The following ATP8A2 variants were observed in gnomAD, a reference collection of about 807,000 sequenced individuals.
ATP8A2 encodes the protein phospholipid-transporting ATPase IB.
Under a neutral mutation model 165.6 loss-of-function variants are expected in ATP8A2, and 100 were observed. That is an observed-to-expected ratio of 0.60 (90% CI 0.51 to 0.71). The LOEUF (loss-of-function observed/expected upper bound fraction) is 0.71, where lower values mean the gene tolerates loss of function less well. Ranked by LOEUF, ATP8A2 falls within the 30% of genes least tolerant of loss-of-function variation. ATP8A2 has a pLI of 0.00. For synonymous variants in ATP8A2, 543 were observed against 548.8 expected (o/e 0.99, Z 0.15); for missense variants, 1,227 against 1,479.5 (o/e 0.83, Z 2.80).
At chr13:25,397,055 G>T (rs1418636857) in intron 1 of ATP8A2, among the ~76,000 whole-genome samples, 1 of 152,184 alleles carries the variant, frequency 6.6e-6, no homozygotes. Context: ...GGGGGTGGCT[G>T]TTTTCGCTGA....
At chr13:25,404,973 A>G (rs1025981321) in intron 1 of ATP8A2, among the ~76,000 whole-genome samples, 4 of 152,206 alleles carry the variant, frequency 2.6e-5, no homozygotes, top group Non-Finnish European at 5.9e-5. Context: ...TAGAAATGCC[A>G]CTGAGAAGTG....
chr13:25,878,967 A>G (rs1469683150), intron 33 of ATP8A2, among the ~76,000 whole-genome samples: 7 of 152,146 alleles, frequency 4.6e-5, no homozygotes, highest in Admixed American at 4.6e-4. Context: ...CCCAGCATTT[A>G]TAGCATTCTA....
chr13:25,680,474 C>T (rs181638573), intron 24 of ATP8A2, among the ~76,000 whole-genome samples: 6 of 152,258 alleles, frequency 3.9e-5, no homozygotes, highest in African/African-American at 1.4e-4. Context: ...TGAGAGAGTA[C>T]TTTTCTGTTG....
intron 2 of ATP8A2, among the ~76,000 whole-genome samples, chr13:25,496,237 G>A (rs969861045): frequency 1.3e-5 from 2 of 152,006 alleles, no homozygotes; most frequent in African/African-American, 4.8e-5. Flanking sequence ...AGACTGAGTG[G>A]GAGAAAAAGG....
rs1450852336 is a variant in ATP8A2 at position 25,372,384 on chromosome 13, C to T, written c.76+96C>T. The T allele has an allele frequency of 1.5e-5, 14 of 915,112 alleles. No homozygotes were observed. Among genetic ancestry groups the T allele is most frequent in the Non-Finnish European group, 2.1e-5 (14 of 680,996 alleles). 56.7% of individuals were successfully genotyped at this position (915,112 alleles called of 1,614,324 possible). A position where few individuals can be genotyped will look rare whatever the true frequency, so the allele number is the denominator to read the frequency against. On this transcript the variant is annotated intron_variant, in intron 1 of 36. Transcript: ENST00000381655. The surrounding 1 kb of genome is among the most constrained non-coding windows in gnomAD (Gnocchi z 4.8). ...ATGCGACACTGCCCCGCCCGCGCCC[C>T]GCTCCCCTCCCTGGGCTCCCTGGGC... is the stretch of plus-strand genomic sequence containing the variant.
intron 27 of ATP8A2, among the ~76,000 whole-genome samples, chr13:25,819,715 A>G (rs922711950): frequency 1.2e-4 from 19 of 152,124 alleles, no homozygotes; most frequent in Admixed American, 3.3e-4. Context: ...ACTGCAAAAC[A>G]AGATGGGTTT....
intron 21 of ATP8A2, among the ~76,000 whole-genome samples, chr13:25,579,110 C>A (rs142710489): frequency 5.3e-5 from 8 of 152,174 alleles, no homozygotes; most frequent in Non-Finnish European, 1.0e-4. Context: ...GACAGGCCAA[C>A]GCACAACGTG....
At chr13:25,520,053 G>A (rs1030753166) in intron 2 of ATP8A2, among the ~76,000 whole-genome samples, 6 of 152,138 alleles carry the variant, frequency 3.9e-5, no homozygotes, top group African/African-American at 4.8e-5. Flanking sequence ...ATATTTTGAC[G>A]TGTACAACAG....
chr13:25,395,687 C>A (rs925394998), intron 1 of ATP8A2, among the ~76,000 whole-genome samples: 1 of 152,088 alleles, frequency 6.6e-6, no homozygotes, highest in Non-Finnish European at 1.5e-5. Flanking sequence ...AGGCATGTGC[C>A]ACCATGCTTG....
chr13:25,940,951 C>G (rs531683605), intron 33 of ATP8A2, among the ~76,000 whole-genome samples: 11 of 152,212 alleles, frequency 7.2e-5, no homozygotes. Flanking sequence ...GGGCTGGGCA[C>G]GTGCCATGGT....
intron 30 of ATP8A2, among the ~76,000 whole-genome samples, chr13:25,848,347 A>G (rs891951947): frequency 1.3e-4 from 20 of 152,360 alleles, no homozygotes; most frequent in African/African-American, 4.6e-4. Flanking sequence ...TCTTACCCAC[A>G]TCTGGCAGGA....
chr13:25,745,760 T>C (rs1375544502), intron 25 of ATP8A2, among the ~76,000 whole-genome samples: 1 of 152,252 alleles, frequency 6.6e-6, no homozygotes, highest in Non-Finnish European at 1.5e-5. Flanking sequence ...CTAGTGCCAA[T>C]AGAACTTTGA....
At chr13:25,415,536 G>C (rs1253912232) in intron 1 of ATP8A2, among the ~76,000 whole-genome samples, 1 of 152,182 alleles carries the variant, frequency 6.6e-6, no homozygotes, top group African/African-American at 2.4e-5. Context: ...TTGCAAAGTG[G>C]CTTTTTTAGT....
chr13:25,540,408 C>T lies in ATP8A2; in HGVS notation c.651+20C>T, dbSNP rs749978741. On this transcript the variant is annotated intron_variant, in intron 8 of 36. Transcript: ENST00000381655. ...CGTCAGGTAAAGTCACCTCTGATGACTTGTGTTGTTATGGTAGACACAACT... is the reference window on the plus strand; with the variant it reads ...CGTCAGGTAAAGTCACCTCTGATGATTTGTGTTGTTATGGTAGACACAACT... 3 of 1,569,956 alleles carry T rather than the reference C, an allele frequency of 1.9e-6. No homozygotes were observed. Among genetic ancestry groups the T allele is most frequent in the Non-Finnish European group, 2.6e-6 (3 of 1,139,844 alleles).
In ATP8A2 at chr13:25,581,767, G is replaced by T. The variant is rs542389719; in HGVS notation, c.2008-52G>T. The T allele has an allele frequency of 1.4e-5, 21 of 1,538,568 alleles. No individual in the cohort carries two copies. The South Asian group carries it at 2.2e-4, about 16-fold the overall frequency. On this transcript the variant is annotated intron_variant, in intron 22 of 36. Coordinates refer to ENST00000381655, the MANE Select transcript of ATP8A2 (RefSeq NM_016529.6). ...CCTTTCTTTGTCAGAATTTGTTAGT[G>T]CTGTTCTTAAGTATGTGCCAATCTT... is the stretch of plus-strand genomic sequence containing the variant.
At chr13:25,717,386 C>T (rs1156714122) in intron 25 of ATP8A2, among the ~76,000 whole-genome samples, 2 of 145,172 alleles carry the variant, frequency 1.4e-5, no homozygotes, top group Non-Finnish European at 1.5e-5. Context: ...TGAGCTCTGT[C>T]CAGGCATTAT....
intron 35 of ATP8A2, among the ~76,000 whole-genome samples, chr13:26,007,901 T>C (rs959599170): frequency 6.6e-6 from 1 of 152,146 alleles, no homozygotes; most frequent in African/African-American, 2.4e-5. Flanking sequence ...GATGCCATTT[T>C]AGTGAAACAG....
At chr13:25,570,612 G>T (rs1244331291) in intron 16 of ATP8A2, among the ~76,000 whole-genome samples, 155 bp from the exon 17 acceptor site, 1 of 152,144 alleles carries the variant, frequency 6.6e-6, no homozygotes, top group Non-Finnish European at 1.5e-5. Context: ...AGACCAGAGC[G>T]GTAGGAGGGG....
intron 33 of ATP8A2, among the ~76,000 whole-genome samples, chr13:25,952,471 C>T (rs1398132845): frequency 2.6e-5 from 4 of 151,830 alleles, no homozygotes; most frequent in African/African-American, 9.7e-5. Flanking sequence ...ACCTTGAACT[C>T]TTGAGCCCAA....
Sources: gnomAD v4.1 joint callset for allele counts (sites outside exome capture counted in the v4.1 genomes callset) on GRCh38, gnomAD v4.1.1 for gene constraint, Gnocchi (gnomAD v3.1) non-coding constraint, MANE v1.5 for transcripts, NCBI Gene and HGNC (gene_info 2026-07-23, HGNC 2026-07-21) for gene names.